KCNAB1: variants seen among roughly 807,000 people sequenced by gnomAD.
The protein encoded by KCNAB1 is voltage-gated potassium channel subunit beta-1.
KCNAB1 carries 35 observed loss-of-function variants against 64.6 expected under a neutral mutation model. The observed-to-expected ratio is 0.54, with a 90% confidence interval of 0.41 to 0.72. The LOEUF is 0.72. Ranked by LOEUF, KCNAB1 falls within the 30% of genes least tolerant of loss-of-function variation. KCNAB1 has a pLI of 0.00. For synonymous variants in KCNAB1, 177 were observed against 183.8 expected (o/e 0.96, Z 0.30); for missense variants, 401 against 512.9 (o/e 0.78, Z 2.11).
chr3:156,313,786 ATAGGAAAT>A, intron 1 of KCNAB1, among the ~76,000 whole-genome samples: 1 of 152,370 alleles, frequency 6.6e-6, no homozygotes, highest in Admixed American at 6.5e-5. Flanking sequence ...GATAGCAGCA[ATAGGAAAT>A]TAATAGAGGT....
chr3:156,299,716 AT>A (rs563997671), intron 1 of KCNAB1, among the ~76,000 whole-genome samples: 7 of 150,952 alleles, frequency 4.6e-5, no homozygotes, highest in South Asian at 2.1e-4. Flanking sequence ...CCCAGCAGTG[AT>A]TTTTTTTTTC....
At chr3:156,127,155 G>A (rs908932481) in intron 1 of KCNAB1, among the ~76,000 whole-genome samples, 5 of 152,142 alleles carry the variant, frequency 3.3e-5, no homozygotes, top group African/African-American at 7.2e-5. Flanking sequence ...CACATTCCTG[G>A]AACATAGTGG....
chr3:156,532,046 T>C (rs2108426726), intron 13 of KCNAB1, among the ~76,000 whole-genome samples: 1 of 152,312 alleles, frequency 6.6e-6, no homozygotes, highest in South Asian at 2.1e-4. Flanking sequence ...TTACTACATG[T>C]CCCTTAGTTA....
At chr3:156,497,058 A>G (rs768920856) in intron 8 of KCNAB1, among the ~76,000 whole-genome samples, 3 of 152,046 alleles carry the variant, frequency 2.0e-5, no homozygotes, top group African/African-American at 4.8e-5. Flanking sequence ...AAAATATTAA[A>G]CTCCTCCTTG....
chr3:156,348,866 G>A (rs1341985269), intron 1 of KCNAB1, among the ~76,000 whole-genome samples: 3 of 152,142 alleles, frequency 2.0e-5, no homozygotes, highest in Non-Finnish European at 4.4e-5. Context: ...TGAATAATTA[G>A]TATTTAGGGA....
At chr3:156,179,925 A>G (rs998780977) in intron 1 of KCNAB1, among the ~76,000 whole-genome samples, 2 of 152,194 alleles carry the variant, frequency 1.3e-5, no homozygotes, top group African/African-American at 4.8e-5. Flanking sequence ...TATATTATCT[A>G]TGTGGTAGGC....
intron 1 of KCNAB1, among the ~76,000 whole-genome samples, chr3:156,396,698 G>T (rs1271436982): frequency 6.6e-6 from 1 of 152,144 alleles, no homozygotes; most frequent in Non-Finnish European, 1.5e-5. Flanking sequence ...AGCTTTATCT[G>T]CCTGGGTATA....
chr3:156,455,094 A>G (rs972256055), intron 3 of KCNAB1, among the ~76,000 whole-genome samples: 5 of 152,160 alleles, frequency 3.3e-5, no homozygotes, highest in Non-Finnish European at 7.4e-5. Flanking sequence ...CAGCAAAGAG[A>G]AGAAGGGAGA....
chr3:156,278,866 T>C (rs376678867), intron 1 of KCNAB1, among the ~76,000 whole-genome samples: 8 of 152,282 alleles, frequency 5.3e-5, no homozygotes, highest in East Asian at 1.9e-4. Context: ...TGGAAAGACA[T>C]GGACATTAAT....
intron 1 of KCNAB1, among the ~76,000 whole-genome samples, chr3:156,302,257 A>G: frequency 6.6e-6 from 1 of 152,122 alleles, no homozygotes. Context: ...TAATCCAGCA[A>G]ATCTCCTCAC....
At chr3:156,288,784 T>G (rs982429249) in intron 1 of KCNAB1, among the ~76,000 whole-genome samples, 3 of 152,214 alleles carry the variant, frequency 2.0e-5, no homozygotes, top group Non-Finnish European at 4.4e-5. Flanking sequence ...ACACAAGAGG[T>G]GCAGACATGA....
rs6777237 is a variant in KCNAB1, at chr3:156,197,942, G to A, written c.275+77056G>A. 2.2e-3 allele frequency among the ~76,000 whole-genome samples: 333 copies of A among 152,106 alleles called. 2 individuals carry two copies. The highest frequency in any genetic ancestry group is 7.7e-3 in the African/African-American group (318 of 41,518). On this transcript the variant is annotated intron_variant, in intron 1 of 13. Transcript: ENST00000490337. ...TGGGCATTTAGTGCTATATATTTCC[G>A]TCTTAACACTGCTTAACTGTGTCCC...
In KCNAB1 at chr3:156,366,503, G is replaced by C. The variant is rs548205769; in HGVS notation, c.276-55113G>C. ...TAGAGGACAGAATTTTGACCCCTAA[G>C]CTTGTGGGGCTTGATAAAGTCAGGC... On this transcript the variant is annotated intron_variant, in intron 1 of 13. Transcript: ENST00000490337. 4.7e-4 allele frequency among the ~76,000 whole-genome samples: 72 copies of C among 152,334 alleles called. 1 individual carries two copies. In the Middle Eastern group the frequency reaches 0.01, roughly 22 times the overall value.
chr3:156,128,619 G>A (rs1209258010), intron 1 of KCNAB1, among the ~76,000 whole-genome samples: 1 of 152,100 alleles, frequency 6.6e-6, no homozygotes, highest in Admixed American at 6.6e-5. Flanking sequence ...GTGAGGGAAC[G>A]TGCCTCATAA....
At chr3:156,482,517 G>A (rs1310323396) in intron 8 of KCNAB1, among the ~76,000 whole-genome samples, 1 of 151,848 alleles carries the variant, frequency 6.6e-6, no homozygotes, top group Non-Finnish European at 1.5e-5. Context: ...GTAGATTTTA[G>A]TTAGGATGAC....
intron 1 of KCNAB1, among the ~76,000 whole-genome samples, chr3:156,232,702 T>C (rs1172013770): frequency 6.6e-6 from 1 of 152,252 alleles, no homozygotes; most frequent in Non-Finnish European, 1.5e-5. Flanking sequence ...CCCAAGTGTA[T>C]AGGAATTTTA....
chr3:156,197,784 C>G (rs1396107372), intron 1 of KCNAB1, among the ~76,000 whole-genome samples: 1 of 152,158 alleles, frequency 6.6e-6, no homozygotes, highest in African/African-American at 2.4e-5. Flanking sequence ...TTTCATGTCT[C>G]TATCTCCTTT....
Position 156,492,567 on chromosome 3 carries a change from A to G in KCNAB1, c.658+17747A>G, listed in dbSNP as rs544500462. ...CAGAGATGTTAGGGAAGAAATTCAGATACTCCTACCTCAGCTTCTGTATGA... is the reference window on the plus strand; with the variant it reads ...CAGAGATGTTAGGGAAGAAATTCAGGTACTCCTACCTCAGCTTCTGTATGA... On this transcript the variant is annotated intron_variant, in intron 8 of 13. Transcript: ENST00000490337. Among the ~76,000 whole-genome samples, 5 of 152,206 alleles carry G rather than the reference A, an allele frequency of 3.3e-5. No homozygotes were observed. In the South Asian group the frequency reaches 1.0e-3, roughly 32 times the overall value.
At chr3:156,180,460 TTTC>T (rs1712728618) in intron 1 of KCNAB1, among the ~76,000 whole-genome samples, 1 of 152,216 alleles carries the variant, frequency 6.6e-6, no homozygotes, top group African/African-American at 2.4e-5. Context: ...GCCTAACAAC[TTTC>T]TTTTCTTGGA....
Sources: allele counts gnomAD v4.1 joint callset (sites outside exome capture counted in the v4.1 genomes callset), GRCh38; gene constraint gnomAD v4.1.1; transcripts MANE v1.5; gene names NCBI Gene and HGNC (gene_info 2026-07-23, HGNC 2026-07-21).